The following MAST2 variants were observed in gnomAD, a reference collection of about 807,000 sequenced individuals.
MAST2 encodes microtubule associated serine/threonine kinase 2.
A neutral mutation model predicts 147.4 loss-of-function variants in MAST2; 70 were observed. The observed-to-expected ratio is 0.47, with a 90% confidence interval of 0.39 to 0.58. MAST2 has a LOEUF of 0.58. Among genes scored for constraint, MAST2 ranks in the 20% least tolerant of loss-of-function variants. The pLI, the probability that MAST2 is intolerant of heterozygous loss-of-function variation, is 0.00. For synonymous variants in MAST2, 869 were observed against 896.8 expected, an observed-to-expected ratio of 0.97 and a Z score of 0.55; for missense variants, 2,080 against 2,302.3, an observed-to-expected ratio of 0.90 and a Z score of 1.98.
intron 4 of MAST2, among the ~76,000 whole-genome samples, chr1:45,949,838 A>G (rs879333787): frequency 5.9e-5 from 9 of 152,204 alleles, no homozygotes; most frequent in Non-Finnish European, 1.0e-4. Context: ...TTAATGATAG[A>G]TGGGATAAAG....
chr1:45,815,839 A>G (rs936724123), intron 1 of MAST2, among the ~76,000 whole-genome samples: 4 of 152,148 alleles, frequency 2.6e-5, no homozygotes, highest in Admixed American at 6.5e-5. Context: ...CATTGCCAGA[A>G]CTCAGTTTCA....
intron 4 of MAST2, chr1:45,917,549 G>A (rs758442844): frequency 7.3e-7 from 1 of 1,365,892 alleles, no homozygotes; most frequent in Non-Finnish European, 9.8e-7. Flanking sequence ...GAAACTTGCT[G>A]TGAATCTGGG....
chr1:46,001,518 G>A (rs1645273486), intron 6 of MAST2, among the ~76,000 whole-genome samples: 1 of 152,126 alleles, frequency 6.6e-6, no homozygotes, highest in Non-Finnish European at 1.5e-5. Flanking sequence ...TTATTGTGTG[G>A]TGCTCCCAGG....
At chr1:46,030,918 G>C in intron 22 of MAST2, 89 bp from the exon 23 acceptor site, 1 of 1,510,436 alleles carries the variant, frequency 6.6e-7, no homozygotes, top group Non-Finnish European at 8.9e-7. Context: ...GGAAAGTTCT[G>C]TTACTATAAC....
chr1:46,033,655 A>G lies in MAST2; in HGVS notation c.3538-147A>G, dbSNP rs191123310. ...AGCCATTTCCTCATCTGTAAAAACA[A>G]TAATATAGGCCTGTGGTTCAGATGT... On this transcript the variant is annotated intron_variant, in intron 26 of 28. Transcript: ENST00000361297. 7.9e-4 allele frequency: 842 copies of G among 1,069,252 alleles called. 15 individuals carry two copies. In the Admixed American group the frequency reaches 0.019, roughly 24 times the overall value. The allele number at this position is 1,069,252 out of a possible 1,614,324, so 66.2% of individuals were successfully genotyped here.
chr1:45,862,551 C>A (rs1646017392), intron 3 of MAST2, among the ~76,000 whole-genome samples: 1 of 148,778 alleles, frequency 6.7e-6, no homozygotes, highest in Non-Finnish European at 1.5e-5. Context: ...AGCTCTGCAA[C>A]CTCTGCCTCT....
At chr1:45,910,112 G>GTT (rs57335268) in intron 4 of MAST2, among the ~76,000 whole-genome samples, 150 of 141,202 alleles carry the variant, frequency 1.1e-3, no homozygotes, top group East Asian at 8.6e-3. Context: ...GTGTGCAGTT[G>GTT]TTTTTTTTTT....
At chr1:45,826,763 T>C (rs1330860054) in intron 2 of MAST2, among the ~76,000 whole-genome samples, 1 of 152,186 alleles carries the variant, frequency 6.6e-6, no homozygotes, top group Non-Finnish European at 1.5e-5. Flanking sequence ...CACAGTTTTT[T>C]CACCCCCTCA....
chr1:45,957,584 C>T (rs997267925), intron 4 of MAST2, among the ~76,000 whole-genome samples: 1 of 152,172 alleles, frequency 6.6e-6, no homozygotes, highest in African/African-American at 2.4e-5. Context: ...GCCTCAGTCA[C>T]CCAAGTAGCT....
intron 5 of MAST2, among the ~76,000 whole-genome samples, chr1:45,980,525 T>C (rs1032674967): frequency 2.0e-5 from 3 of 152,178 alleles, no homozygotes; most frequent in African/African-American, 7.2e-5. Flanking sequence ...TTCTTCAGAA[T>C]GTTTTGTTGT....
Position 45,926,337 on chromosome 1 carries a change from G to A in MAST2, c.501-33049G>A, listed in dbSNP as rs144825032. Among the ~76,000 whole-genome samples the A allele has an allele frequency of 1.2e-4, 19 of 152,302 alleles. No individual in the cohort carries two copies. The East Asian group carries it at 2.9e-3, about 23-fold the overall frequency. ...TCCATTGTTGGGAGACTCAGATGTT[G>A]CTAATTCTTAGCACTTCATTTTGCT... On this transcript the variant is annotated intron_variant, in intron 4 of 28. Coordinates refer to ENST00000361297, the MANE Select transcript of MAST2 (RefSeq NM_015112.3).
intron 4 of MAST2, among the ~76,000 whole-genome samples, chr1:45,949,213 A>G (rs1258258908): frequency 1.3e-5 from 2 of 152,170 alleles, no homozygotes; most frequent in Non-Finnish European, 2.9e-5. Context: ...CAACAAAAGC[A>G]AAAATGGACA....
Position 45,942,744 on chromosome 1 carries a change from T to C in MAST2, c.501-16642T>C, listed in dbSNP as rs558696571. Among the ~76,000 whole-genome samples, 11 of 152,328 alleles carry C rather than the reference T, an allele frequency of 7.2e-5. No homozygotes were observed. In the South Asian group the frequency reaches 1.4e-3, roughly 20 times the overall value. Reference sequence around the variant, plus strand: ...GTCATGTAGATTCAAGTCACTGCTGTCTCTAGTGATAAGAATGATCTCCAG... The same window carrying C: ...GTCATGTAGATTCAAGTCACTGCTGCCTCTAGTGATAAGAATGATCTCCAG... On this transcript the variant is annotated intron_variant, in intron 4 of 28. Transcript: ENST00000361297.
Position 46,008,282 on chromosome 1 carries a change from T to A in MAST2, c.903-14T>A. ...ATAGCACTAAAGTAACACAATCATT[T>A]CTTTCTTTTTTAGTCCCGGACGATC... is the stretch of plus-strand genomic sequence containing the variant. On this transcript the variant is annotated splice_polypyrimidine_tract_variant and intron_variant, in intron 8 of 28. Transcript: ENST00000361297. 1 of 1,589,192 alleles carries A rather than the reference T, an allele frequency of 6.3e-7. No homozygotes were observed. The highest frequency in any genetic ancestry group is 8.6e-7 in the Non-Finnish European group (1 of 1,157,492).
intron 4 of MAST2, among the ~76,000 whole-genome samples, chr1:45,906,096 A>C (rs1650673420): frequency 6.6e-6 from 1 of 152,138 alleles, no homozygotes; most frequent in Non-Finnish European, 1.5e-5. Context: ...ATCTTTTGTG[A>C]AATGTGTTCA....
intron 6 of MAST2, among the ~76,000 whole-genome samples, 154 bp downstream of exon 6, chr1:45,997,953 C>T (rs1465805512): frequency 1.3e-5 from 2 of 152,278 alleles, no homozygotes; most frequent in African/African-American, 4.8e-5. Flanking sequence ...CTTTCCTCTC[C>T]TAGGTTGTAA....
chr1:45,842,327 CAA>C (rs1051342326), intron 3 of MAST2, among the ~76,000 whole-genome samples: 2 of 152,128 alleles, frequency 1.3e-5, no homozygotes, highest in Non-Finnish European at 2.9e-5. Flanking sequence ...ATTTACATAA[CAA>C]AATCAACCAT....
At chr1:45,840,705 A>G (rs942263364) in intron 3 of MAST2, among the ~76,000 whole-genome samples, 5 of 152,202 alleles carry the variant, frequency 3.3e-5, no homozygotes, top group African/African-American at 1.2e-4. Flanking sequence ...ACTACCTGCA[A>G]CCTAACCTAA....
At chr1:45,920,169 C>T (rs1457328694) in intron 4 of MAST2, among the ~76,000 whole-genome samples, 1 of 152,126 alleles carries the variant, frequency 6.6e-6, no homozygotes, top group Non-Finnish European at 1.5e-5. Flanking sequence ...CCTTAGTGAG[C>T]CCTGAAGAGG....
Sources: gnomAD v4.1 joint callset for allele counts (sites outside exome capture counted in the v4.1 genomes callset) on GRCh38, gnomAD v4.1.1 for gene constraint, MANE v1.5 for transcripts, NCBI Gene and HGNC (gene_info 2026-07-23, HGNC 2026-07-21) for gene names.